TAFA2: variants seen among roughly 807,000 people sequenced by gnomAD.
The protein encoded by TAFA2 is TAFA chemokine like family member 2, also known as chemokine-like protein TAFA-2.
Under a neutral mutation model 18.8 loss-of-function variants are expected in TAFA2, and 7 were observed. The observed-to-expected ratio is 0.37, with a 90% CI of 0.21 to 0.70. The LOEUF (loss-of-function observed/expected upper bound fraction) is 0.70. TAFA2 is among the 30% of genes least tolerant of loss of function. The probability of loss-of-function intolerance (pLI) is 0.53; values close to 1 mark genes in which losing one functional copy is unlikely to be tolerated. For synonymous variants in TAFA2, 60 were observed against 54.2 expected, an observed-to-expected ratio of 1.11 and a Z score of -0.47; for missense variants, 122 against 158.1, an observed-to-expected ratio of 0.77 and a Z score of 1.23.
intron 1 of TAFA2, among the ~76,000 whole-genome samples, chr12:62,142,049 T>A (rs1432548380): frequency 6.6e-6 from 1 of 152,198 alleles, no homozygotes; most frequent in Non-Finnish European, 1.5e-5. Context: ...GGGAAGCACC[T>A]TTATGTTCAT....
chr12:62,067,449 T>C (rs1882519933), intron 1 of TAFA2, among the ~76,000 whole-genome samples: 1 of 152,064 alleles, frequency 6.6e-6, no homozygotes, highest in Non-Finnish European at 1.5e-5. Context: ...ATGTTTGAGG[T>C]CTTAGATTTA....
chr12:62,248,466 G>A (rs2062897366), intron 1 of TAFA2, among the ~76,000 whole-genome samples: 1 of 152,200 alleles, frequency 6.6e-6, no homozygotes, highest in Non-Finnish European at 1.5e-5. Flanking sequence ...GCATTTGGCT[G>A]TCTCCTTCTC....
At chr12:62,167,210 A>C (rs566114601) in intron 1 of TAFA2, among the ~76,000 whole-genome samples, 1 of 152,314 alleles carries the variant, frequency 6.6e-6, no homozygotes, top group Non-Finnish European at 1.5e-5. Context: ...TAGAGAAAGA[A>C]AGAAAGGAAG....
At chr12:62,163,231 G>A (rs2136932386) in intron 1 of TAFA2, among the ~76,000 whole-genome samples, 1 of 151,854 alleles carries the variant, frequency 6.6e-6, no homozygotes, top group Non-Finnish European at 1.5e-5. Flanking sequence ...ATATGATGAG[G>A]TATGTTCAGT....
intron 4 of TAFA2, among the ~76,000 whole-genome samples, chr12:61,735,838 A>G (rs1257845972): frequency 1.3e-5 from 2 of 151,952 alleles, no homozygotes; most frequent in Admixed American, 6.6e-5. Flanking sequence ...TTTTCATTGT[A>G]TGCTGAATAT....
At chr12:62,158,886 C>T (rs1443971667) in intron 1 of TAFA2, among the ~76,000 whole-genome samples, 3 of 152,130 alleles carry the variant, frequency 2.0e-5, no homozygotes, top group Non-Finnish European at 4.4e-5. Flanking sequence ...ACAGAAAAGG[C>T]ATCAGAAGAG....
chr12:62,199,092 T>C (rs2062660867), intron 1 of TAFA2, among the ~76,000 whole-genome samples: 1 of 152,238 alleles, frequency 6.6e-6, no homozygotes, highest in African/African-American at 2.4e-5. Flanking sequence ...CTTACTCATG[T>C]GTCTGAAATC....
intron 2 of TAFA2, among the ~76,000 whole-genome samples, chr12:61,781,020 T>G (rs1870480730): frequency 6.6e-6 from 1 of 151,534 alleles, no homozygotes; most frequent in African/African-American, 2.4e-5. Flanking sequence ...TCTAACTATC[T>G]AAAAATAATC....
intron 1 of TAFA2, chr12:61,879,487 G>A: frequency 1.4e-6 from 1 of 692,176 alleles, no homozygotes. Context: ...CTTTGGCGGG[G>A]CCAGCGGTAT....
intron 2 of TAFA2, among the ~76,000 whole-genome samples, chr12:61,814,382 AGG>A (rs1342117799): frequency 6.6e-6 from 1 of 151,460 alleles, no homozygotes; most frequent in African/African-American, 2.5e-5. Flanking sequence ...AACCAACTTA[AGG>A]AGTTGAGATT....
intron 1 of TAFA2, among the ~76,000 whole-genome samples, chr12:62,099,384 T>C (rs559929317): frequency 6.6e-6 from 1 of 152,258 alleles, no homozygotes; most frequent in Non-Finnish European, 1.5e-5. Flanking sequence ...ATAAAATTTA[T>C]CTTTCCTTCT....
At chr12:61,813,604 G>A (rs754926499) in intron 2 of TAFA2, among the ~76,000 whole-genome samples, 10 of 151,232 alleles carry the variant, frequency 6.6e-5, no homozygotes, top group Admixed American at 2.0e-4. Flanking sequence ...TTATTGATTT[G>A]TATTTTTAAC....
chr12:61,887,406 A>T (rs565770105), intron 1 of TAFA2, among the ~76,000 whole-genome samples: 2 of 152,196 alleles, frequency 1.3e-5, no homozygotes, highest in African/African-American at 4.8e-5. Context: ...CATGCCTGAC[A>T]TACAGAAAAC....
chr12:62,019,964 G>C (rs1881075331), intron 1 of TAFA2, among the ~76,000 whole-genome samples: 1 of 151,892 alleles, frequency 6.6e-6, no homozygotes, highest in Non-Finnish European at 1.5e-5. Flanking sequence ...GCATTTCAAT[G>C]CTCAACATTC....
intron 1 of TAFA2, among the ~76,000 whole-genome samples, chr12:62,064,966 A>G (rs1321610223): frequency 6.6e-6 from 1 of 152,012 alleles, no homozygotes; most frequent in Non-Finnish European, 1.5e-5. Context: ...TAAGGCATCA[A>G]TATTAATTTT....
chr12:61,725,955 C>T (rs942439815), intron 4 of TAFA2, among the ~76,000 whole-genome samples: 5 of 151,122 alleles, frequency 3.3e-5, no homozygotes, highest in African/African-American at 1.2e-4. Flanking sequence ...AAAGACTACA[C>T]AGTGGGTATA....
intron 1 of TAFA2, among the ~76,000 whole-genome samples, chr12:62,103,872 T>C (rs1237482555): frequency 6.6e-6 from 1 of 152,180 alleles, no homozygotes; most frequent in African/African-American, 2.4e-5. Flanking sequence ...CAGGCATTGC[T>C]CAGACTCAGA....
chr12:61,981,627 T>A (rs563675432), intron 1 of TAFA2, among the ~76,000 whole-genome samples: 1 of 151,766 alleles, frequency 6.6e-6, no homozygotes, highest in South Asian at 2.1e-4. Flanking sequence ...AAACAAACAG[T>A]CCCATCAAAC....
In TAFA2 at chr12:61,819,001, C is replaced by A. The variant is rs545010460; in HGVS notation, c.106+48319G>T. Among the ~76,000 whole-genome samples the A allele has an allele frequency of 6.6e-5, 10 of 152,252 alleles. 1 individual carries two copies. The South Asian group carries it at 2.1e-3, about 32-fold the overall frequency. ...CATTGTTGCACATTACCTCTAGACC[C>A]GATCATGACTTCCTAACCTAGTCCC... is the stretch of plus-strand genomic sequence containing the variant. On this transcript the variant is annotated intron_variant, in intron 2 of 4. Coordinates refer to ENST00000416284, the MANE Select transcript of TAFA2 (RefSeq NM_178539.5).
Sources: allele counts gnomAD v4.1 joint callset (sites outside exome capture counted in the v4.1 genomes callset), GRCh38; gene constraint gnomAD v4.1.1; transcripts MANE v1.5; gene names NCBI Gene and HGNC (gene_info 2026-07-23, HGNC 2026-07-21).